C3: variants seen among roughly 807,000 people sequenced by gnomAD.
The protein encoded by C3 is complement C3, also known as C3 and PZP-like alpha-2-macroglobulin domain-containing protein 1.
In C3, 97 loss-of-function variants were observed where a neutral mutation model predicts 207.9. That is an observed-to-expected ratio of 0.47 (90% CI 0.40 to 0.55). The LOEUF (loss-of-function observed/expected upper bound fraction) is 0.55. Ranked by LOEUF, C3 falls within the 20% of genes least tolerant of loss-of-function variation. The pLI, the probability that C3 is intolerant of heterozygous loss-of-function variation, is 0.00. For missense variants in C3, 1,684 were observed against 2,171.7 expected (o/e 0.78, Z 4.46); for synonymous variants, 848 against 857.6 (o/e 0.99, Z 0.20).
In C3 at chr19:6,684,999, G is replaced by A. The variant is rs141718696; in HGVS notation, c.3958C>T (p.Arg1320Ter). 1 of 1,613,676 alleles carries A rather than the reference G, an allele frequency of 6.2e-7. No individual in the cohort carries two copies. Among genetic ancestry groups the A allele is most frequent in the South Asian group, 1.1e-5 (1 of 91,050 alleles). Reference sequence around the variant, plus strand: ...CTGGGTGACTGTACCTCTTCTGATCGCAGGAGGCTGGCAGATTCCCAGTGG... The same window carrying A: ...CTGGGTGACTGTACCTCTTCTGATCACAGGAGGCTGGCAGATTCCCAGTGG... Reference protein sequence around the residue: ...RIHWESASLLRSEETKENEGF... With the variant: ...RIHWESASLL Residue 1320 changes from arginine to a stop codon, truncating the protein, a stop_gained, in exon 30 of 41, where the codon CGA (arginine) becomes TGA (stop). Coordinates refer to ENST00000245907, the MANE Select transcript of C3 (RefSeq NM_000064.4). LOFTEE classifies it high-confidence loss of function.
In C3 at chr19:6,690,733, A is replaced by G. The variant is rs11569509; in HGVS notation, c.3391-6T>C. The G allele has an allele frequency of 0.12, 192,906 of 1,611,662 alleles. 12,376 individuals carry two copies. The highest frequency in any genetic ancestry group is 0.13 in the Non-Finnish European group (148,479 of 1,177,908). On this transcript the variant is annotated splice_region_variant and splice_polypyrimidine_tract_variant and intron_variant, in intron 26 of 40. Transcript: ENST00000245907. The stretch of plus-strand genomic sequence containing the variant: ...TTGTTGTTCCGTAATCCACCCTGAG[A>G]TAGAGAGCAGAAAGCAAGGATGGGG...
intron 19 of C3, among the ~76,000 whole-genome samples, chr19:6,698,078 G>A (rs1294673140): frequency 6.6e-6 from 1 of 151,798 alleles, no homozygotes; most frequent in Non-Finnish European, 1.5e-5. Flanking sequence ...GTGCAGTGGC[G>A]CCATCTCGGC....
intron 38 of C3, among the ~76,000 whole-genome samples, 158 bp downstream of exon 38, chr19:6,678,967 C>T (rs2145389854): frequency 6.6e-6 from 1 of 152,282 alleles, no homozygotes; most frequent in Middle Eastern, 3.4e-3. Flanking sequence ...CATGGTTCCC[C>T]ACACAATCAT....
At position 6,713,976 on chromosome 19, in the gene C3, A is replaced by C. The variant is rs753636578; in HGVS notation, c.773+16T>G. ...CCTCACCTGGCTCTTACCTGGCCCC[A>C]CCCCCAGTCCCTCACCTGGCGGTGA... On this transcript the variant is annotated intron_variant, in intron 7 of 40. Coordinates refer to ENST00000245907, the MANE Select transcript of C3 (RefSeq NM_000064.4). 1 of 1,522,230 alleles carries C rather than the reference A, an allele frequency of 6.6e-7. No homozygotes were observed. Among genetic ancestry groups the C allele is most frequent in the Admixed American group, 1.9e-5 (1 of 53,492 alleles). 94.3% of individuals were successfully genotyped at this position (1,522,230 alleles called of 1,614,324 possible). A position where few individuals can be genotyped will look rare whatever the true frequency, so the allele number is the denominator to read the frequency against.
intron 14 of C3, among the ~76,000 whole-genome samples, chr19:6,708,237 G>C (rs380819): frequency 1.7e-4 from 26 of 151,956 alleles, no homozygotes; most frequent in African/African-American, 5.8e-4. Context: ...CCCAGGTTCA[G>C]GCAATTTTCC....
chr19:6,686,656 C>T lies in C3; in HGVS notation c.3646+90G>A, dbSNP rs974240766. ...CTTGGCTTAGGGTCATCTGTCCCAG[C>T]TCAGCTAAAAGCCATGCATCCCAGC... On this transcript the variant is annotated intron_variant, in intron 28 of 40. Transcript: ENST00000245907. 2.2e-6 allele frequency: 3 copies of T among 1,377,634 alleles called. No homozygotes were observed. In the Admixed American group the frequency reaches 5.0e-5, roughly 23 times the overall value. 85.3% of individuals were successfully genotyped at this position (1,377,634 alleles called of 1,614,324 possible).
Position 6,717,704 on chromosome 19 carries a change from GGTTGTGTAT to G in C3, c.504+381_504+389del, listed in dbSNP as rs998274396. ...TGTGTGTGTTTTGTGTGTATTGCGT[GGTTGTGTAT>G]GTTGTGTATTGTGTTGTGTGTGTTG... is the stretch of plus-strand genomic sequence containing the variant. On this transcript the variant is annotated intron_variant, in intron 4 of 40. Coordinates refer to ENST00000245907, the MANE Select transcript of C3 (RefSeq NM_000064.4). 196 of 374,966 alleles carry G rather than the reference GGTTGTGTAT, an allele frequency of 5.2e-4. 1 individual carries two copies. Among genetic ancestry groups the G allele is most frequent in the Middle Eastern group, 2.5e-3 (3 of 1,186 alleles). The allele number at this position is 374,966 out of a possible 1,614,324, so 23.2% of individuals were successfully genotyped here.
chr19:6,707,716 C>T, intron 15 of C3, 84 bp downstream of exon 15: 1 of 1,593,082 alleles, frequency 6.3e-7, no homozygotes. Flanking sequence ...GAACCCAGGC[C>T]CCCGGTTTCC....
intron 29 of C3, 103 bp from the exon 30 acceptor site, chr19:6,685,249 T>C: frequency 1.8e-6 from 2 of 1,101,578 alleles, no homozygotes; most frequent in Non-Finnish European, 2.7e-6. Flanking sequence ...GACATCAAAA[T>C]GTGGCCTAGA....
chr19:6,709,966 G>C (rs1186814687), intron 13 of C3, 124 bp from the exon 14 acceptor site: 16 of 672,502 alleles, frequency 2.4e-5, no homozygotes, highest in Non-Finnish European at 3.9e-5. Flanking sequence ...GGCTGGGGAG[G>C]GGGAGAGAGA....
intron 14 of C3, among the ~76,000 whole-genome samples, chr19:6,708,569 T>C (rs551087019): frequency 2.7e-5 from 4 of 146,726 alleles, no homozygotes; most frequent in African/African-American, 1.0e-4. Context: ...CCCTCCTTCC[T>C]TCCTTCCTTC....
chr19:6,677,741 G>T lies in C3; in HGVS notation c.*141C>A, dbSNP rs563748272. 1.1e-4 allele frequency: 117 copies of T among 1,058,304 alleles called. 1 individual carries two copies. The East Asian group carries it at 2.8e-3, about 25-fold the overall frequency. 65.6% of individuals were successfully genotyped at this position (1,058,304 alleles called of 1,614,324 possible). A position where few individuals can be genotyped will look rare whatever the true frequency, so the allele number is the denominator to read the frequency against. On this transcript the variant is annotated 3_prime_UTR_variant, in exon 41 of 41. Coordinates refer to ENST00000245907, the MANE Select transcript of C3 (RefSeq NM_000064.4). ...CGAACGCCAGGAGAAAATGCGGTGGGAACAGGTGAGGTTTCAAGTAGGATG... is the reference window on the plus strand; with the variant it reads ...CGAACGCCAGGAGAAAATGCGGTGGTAACAGGTGAGGTTTCAAGTAGGATG...
At position 6,710,926 on chromosome 19, in the gene C3, C is replaced by G; in HGVS notation, c.1479+61G>C. Reference sequence around the variant, plus strand: ...AGGGATCCGGGATGGGGGAAGGAGTCCCAGGGGTGCGGAAGAAACAAGGAG... The same window carrying G: ...AGGGATCCGGGATGGGGGAAGGAGTGCCAGGGGTGCGGAAGAAACAAGGAG... On this transcript the variant is annotated intron_variant, in intron 12 of 40. Transcript: ENST00000245907. 3.1e-6 allele frequency: 5 copies of G among 1,602,796 alleles called. No individual in the cohort carries two copies. In the African/African-American group the frequency reaches 4.0e-5, roughly 13 times the overall value.
At chr19:6,700,224 ATT>A (rs200645202) in intron 19 of C3, among the ~76,000 whole-genome samples, 14,948 of 131,004 alleles carry the variant, frequency 0.11, 2,255 homozygotes, top group Middle Eastern at 0.15. Context: ...TTACATATAT[ATT>A]ATATATGTAA....
chr19:6,713,931 C>G (rs1247878861), intron 7 of C3, 61 bp downstream of exon 7: 1 of 1,078,240 alleles, frequency 9.3e-7, no homozygotes, highest in East Asian at 2.6e-5. Context: ...CCCAGTCCCC[C>G]ACCTGGTCTT....
rs1917973033 is a variant in C3, at chr19:6,685,213, G to C, written c.3811-67C>G. On this transcript the variant is annotated intron_variant, in intron 29 of 40. Transcript: ENST00000245907. ...GGAAAGTGGCTAGAATCCAGTGGGG[G>C]ATAAAGAGGTTCAAATCAGAGCTGG... 11 of 1,450,466 alleles carry C rather than the reference G, an allele frequency of 7.6e-6. No individual in the cohort carries two copies. In the African/African-American group the frequency reaches 1.4e-4, roughly 18 times the overall value. The allele number at this position is 1,450,466 out of a possible 1,614,324, so 89.8% of individuals were successfully genotyped here. A position where few individuals can be genotyped will look rare whatever the true frequency, so the allele number is the denominator to read the frequency against.
Position 6,679,205 on chromosome 19 carries a change from T to A in C3, c.4550A>T (p.Asn1517Ile). 1 of 1,614,032 alleles carries A rather than the reference T, an allele frequency of 6.2e-7. No individual in the cohort carries two copies. ...RDELCRCAEE[N>I]CFIQKSDDKV... ...GTCATCCGACTTTTGTATGAAGCAA[T>A]TCTCTGCAGGGTGGGGTGGAGACAG... The change falls in exon 38 of 41, where the codon AAT becomes ATT. Residue 1517 changes from asparagine to isoleucine, a missense_variant. Coordinates refer to ENST00000245907, the MANE Select transcript of C3 (RefSeq NM_000064.4).
chr19:6,694,528 C>T lies in C3; in HGVS notation c.3057G>A (p.Thr1019=), dbSNP rs749825273. The change falls in exon 24 of 41, where the codon ACG becomes ACA. Residue 1019 remains threonine (T), a synonymous_variant. Transcript: ENST00000245907. ...GCGEQNMIGM[T]PTVIAVHYLD... Reference sequence around the variant, plus strand: ...GGTAATGCACAGCGATGACCGTGGGCGTCATGCCGATCATGTTCTGTTCCC... The same window carrying T: ...GGTAATGCACAGCGATGACCGTGGGTGTCATGCCGATCATGTTCTGTTCCC... 11 of 1,614,004 alleles carry T rather than the reference C, an allele frequency of 6.8e-6. No individual in the cohort carries two copies. Among genetic ancestry groups the T allele is most frequent in the South Asian group, 1.1e-5 (1 of 91,090 alleles).
Position 6,684,623 on chromosome 19 carries a change from T to C in C3, c.4057A>G (p.Lys1353Glu). The change falls in exon 32 of 41, where the codon AAA becomes GAA. Residue 1353 changes from lysine (K) to glutamate (E), a missense_variant. Coordinates refer to ENST00000245907, the MANE Select transcript of C3 (RefSeq NM_000064.4). ...AATTTATTACAGGTGAGTTGATCTT[T>C]GGCCTTAGCATGGTACATTGTCACC... is the stretch of plus-strand genomic sequence containing the variant. The part of the protein sequence containing the change: ...SVVTMYHAKA[K>E]DQLTCNKFDL... The C allele has an allele frequency of 6.2e-7, 1 of 1,614,120 alleles. No homozygotes were observed. The highest frequency in any genetic ancestry group is 1.1e-5 in the South Asian group (1 of 91,078).
Sources: gnomAD v4.1 joint callset for allele counts (sites outside exome capture counted in the v4.1 genomes callset) on GRCh38, gnomAD v4.1.1 for gene constraint, MANE v1.5 for transcripts, NCBI Gene and HGNC (gene_info 2026-07-23, HGNC 2026-07-21) for gene names.